The following TBX15 variants were observed in gnomAD, a reference collection of about 807,000 sequenced individuals.
TBX15 encodes the protein T-box transcription factor TBX15.
TBX15 carries 18 observed loss-of-function variants against 53.9 expected under a neutral mutation model. That is an observed-to-expected ratio of 0.33 (90% CI 0.23 to 0.49). The LOEUF (loss-of-function observed/expected upper bound fraction) is 0.49. Among genes scored for constraint, TBX15 ranks in the 20% least tolerant of loss-of-function variants. The pLI, the probability that TBX15 is intolerant of heterozygous loss-of-function variation, is 0.98. For synonymous variants in TBX15, 295 were observed against 278.0 expected (o/e 1.06, Z -0.61); for missense variants, 692 against 749.5 (o/e 0.92, Z 0.90).
At chr1:118,901,448 TA>T in intron 6 of TBX15, 1 of 455,860 alleles carries the variant, frequency 2.2e-6, no homozygotes, top group South Asian at 1.6e-5. Context: ...TTGGAACACA[TA>T]AACTTTGGGG....
chr1:118,950,274 G>C (rs919789751), intron 1 of TBX15, among the ~76,000 whole-genome samples: 1 of 152,156 alleles, frequency 6.6e-6, no homozygotes, highest in African/African-American at 2.4e-5. Flanking sequence ...CTGCTTTGAG[G>C]CCTCTGGCTT....
intron 7 of TBX15, among the ~76,000 whole-genome samples, chr1:118,897,652 C>T (rs1282994217): frequency 1.3e-5 from 2 of 152,122 alleles, no homozygotes; most frequent in Non-Finnish European, 2.9e-5. Context: ...AAGTAAATTG[C>T]CTCAATGTAG....
At chr1:118,948,172 C>A (rs1656403301) in intron 1 of TBX15, among the ~76,000 whole-genome samples, 2 of 152,038 alleles carry the variant, frequency 1.3e-5, no homozygotes, top group Admixed American at 1.3e-4. Flanking sequence ...TTCCTATATT[C>A]TGATTCTCTG....
chr1:118,885,912 C>T (rs542190865), intron 7 of TBX15, among the ~76,000 whole-genome samples: 1 of 152,346 alleles, frequency 6.6e-6, no homozygotes, highest in Non-Finnish European at 1.5e-5. Context: ...ACTAGCTCAG[C>T]TTTTCCCATT....
At chr1:118,935,331 ATCAG>A (rs1197490438) in intron 1 of TBX15, among the ~76,000 whole-genome samples, 16 of 152,176 alleles carry the variant, frequency 1.1e-4, no homozygotes, top group African/African-American at 2.4e-4. Flanking sequence ...TAGAAATATA[ATCAG>A]TCAGTCCCTT....
At chr1:118,949,672 G>A (rs1378926253) in intron 1 of TBX15, among the ~76,000 whole-genome samples, 3 of 152,224 alleles carry the variant, frequency 2.0e-5, no homozygotes, top group Admixed American at 1.3e-4. Context: ...GGACCTGGCC[G>A]TGAGGCCTCT....
chr1:118,969,706 C>A (rs557556070), intron 1 of TBX15, among the ~76,000 whole-genome samples: 4 of 152,344 alleles, frequency 2.6e-5, no homozygotes, highest in South Asian at 2.1e-4. Context: ...TAGAAACCCA[C>A]AAATGTATCT....
chr1:118,901,089 A>T (rs1054486593), intron 6 of TBX15, among the ~76,000 whole-genome samples: 8 of 152,196 alleles, frequency 5.3e-5, no homozygotes, highest in Admixed American at 2.6e-4. Flanking sequence ...TTATTTGTTG[A>T]ATAAATAGAA....
Position 118,987,772 on chromosome 1 carries a change from T to G in TBX15, c.24A>C (p.Ala8=), listed in dbSNP as rs1186516777. MSERRRS[A]VALSSRAHAF... ...CATGTGCTCGCGAGCTCAGGGCGAC[T>G]GCAGATCTTCTCCTTTCACTCATTT... is the stretch of plus-strand genomic sequence containing the variant. Residue 8 remains alanine, a synonymous_variant, in exon 1 of 8, where the codon GCA becomes GCC. Coordinates refer to ENST00000369429, the MANE Select transcript of TBX15 (RefSeq NM_001330677.2). The G allele has an allele frequency of 6.5e-7, 1 of 1,550,150 alleles. No individual in the cohort carries two copies. The highest frequency in any genetic ancestry group is 1.2e-5 in the South Asian group (1 of 84,060).
intron 6 of TBX15, among the ~76,000 whole-genome samples, chr1:118,901,932 C>G (rs1227641827): frequency 6.6e-6 from 1 of 152,084 alleles, no homozygotes; most frequent in East Asian, 1.9e-4. Flanking sequence ...GGGTCTGTTA[C>G]AGCAAGGATC....
chr1:118,932,434 AAG>A (rs1390507358), intron 1 of TBX15, among the ~76,000 whole-genome samples: 1 of 152,170 alleles, frequency 6.6e-6, no homozygotes, highest in East Asian at 1.9e-4. Context: ...GGTTTTTCCT[AAG>A]AGTCTAATCA....
At chr1:118,923,919 C>T (rs1655509423) in intron 4 of TBX15, among the ~76,000 whole-genome samples, 1 of 152,196 alleles carries the variant, frequency 6.6e-6, no homozygotes, top group South Asian at 2.1e-4. Flanking sequence ...TGCCATGTGA[C>T]AAGTTGTTCC....
At chr1:118,899,568 A>G (rs973818663) in intron 6 of TBX15, among the ~76,000 whole-genome samples, 5 of 152,172 alleles carry the variant, frequency 3.3e-5, no homozygotes, top group African/African-American at 1.2e-4. Context: ...GGGTATGTAC[A>G]GAACGAATGG....
chr1:118,957,660 C>T (rs1656738360), intron 1 of TBX15, among the ~76,000 whole-genome samples: 1 of 152,130 alleles, frequency 6.6e-6, no homozygotes. Flanking sequence ...TGTGATGTTC[C>T]CCTTCCTGTG....
chr1:118,976,172 G>A (rs185588717), intron 1 of TBX15, among the ~76,000 whole-genome samples: 3 of 152,222 alleles, frequency 2.0e-5, no homozygotes, highest in African/African-American at 2.4e-5. Flanking sequence ...TTGTCCAGCC[G>A]TAAACATGGC....
chr1:118,968,642 T>A (rs1046905156), intron 1 of TBX15, among the ~76,000 whole-genome samples: 1 of 152,222 alleles, frequency 6.6e-6, no homozygotes, highest in Non-Finnish European at 1.5e-5. Context: ...GTTTTGCCAA[T>A]GCTGTTGGGT....
intron 7 of TBX15, among the ~76,000 whole-genome samples, chr1:118,894,622 A>G (rs1242970876): frequency 1.3e-5 from 2 of 151,820 alleles, no homozygotes; most frequent in East Asian, 2.0e-4. Context: ...AAGGAAGGTT[A>G]GAGATGTGGA....
At chr1:118,908,864 CAT>C (rs1486356786) in intron 6 of TBX15, among the ~76,000 whole-genome samples, 1 of 151,790 alleles carries the variant, frequency 6.6e-6, no homozygotes, top group East Asian at 1.9e-4. Flanking sequence ...TACATACACA[CAT>C]AGACACACAC....
chr1:118,906,424 C>T (rs937159228), intron 6 of TBX15, among the ~76,000 whole-genome samples: 2 of 152,088 alleles, frequency 1.3e-5, no homozygotes, highest in East Asian at 3.9e-4. Context: ...TACTTTTCCT[C>T]GTCCCTTCTT....
Sources: allele counts gnomAD v4.1 joint callset (sites outside exome capture counted in the v4.1 genomes callset), GRCh38; gene constraint gnomAD v4.1.1; transcripts MANE v1.5; gene names NCBI Gene and HGNC (gene_info 2026-07-23, HGNC 2026-07-21).